MYO5A: variants seen among roughly 807,000 people sequenced by gnomAD.
MYO5A encodes the protein myosin VA.
Under a neutral mutation model 249.7 loss-of-function variants are expected in MYO5A, and 98 were observed. The ratio of observed to expected loss-of-function variants is 0.39; its 90% CI spans 0.33 to 0.46. MYO5A has a LOEUF of 0.46. Among genes scored for constraint, MYO5A ranks in the 20% least tolerant of loss-of-function variants. MYO5A has a pLI of 0.98. For synonymous variants in MYO5A, 778 were observed against 810.6 expected (o/e 0.96, Z 0.68); for missense variants, 1,696 against 2,308.8 (o/e 0.73, Z 5.44).
Position 52,321,390 on chromosome 15 carries a change from C to G in MYO5A, c.4920G>C (p.Arg1640=). The G allele has an allele frequency of 6.2e-7, 1 of 1,614,216 alleles. No individual in the cohort carries two copies. The highest frequency in any genetic ancestry group is 8.5e-7 in the Non-Finnish European group (1 of 1,180,044). The change falls in exon 38 of 42, where the codon CGG becomes CGC. Residue 1640 remains arginine, a synonymous_variant. Coordinates refer to ENST00000399233, the MANE Select transcript of MYO5A (RefSeq NM_001382347.1). ...TTGGCTGAAGGATGTTCTCTAACAC[C>G]CGCACGAGCTGCTGGTAGATCTGAA... ...LAIQIYQQLV[R]VLENILQPMI...
At position 52,314,108 on chromosome 15, in the gene MYO5A, G is replaced by C; in HGVS notation, c.5490+15C>G. 1 of 1,582,296 alleles carries C rather than the reference G, an allele frequency of 6.3e-7. No homozygotes were observed. Among genetic ancestry groups the C allele is most frequent in the Non-Finnish European group, 8.7e-7 (1 of 1,151,976 alleles). ...ACTGTGTTGGTGAATCAAAGAAGAA[G>C]ATGGGAGCTCTTACCTGTATAGTAC... On this transcript the variant is annotated intron_variant, in intron 41 of 41. Coordinates refer to ENST00000399233, the MANE Select transcript of MYO5A (RefSeq NM_001382347.1).
At chr15:52,490,692 A>G (rs7178682) in intron 1 of MYO5A, among the ~76,000 whole-genome samples, 144,771 of 152,238 alleles carry the variant, frequency 0.95, 68,902 homozygotes, top group African/African-American at 0.97. Flanking sequence ...GAAGAGTTTT[A>G]GAGATTGGTT....
chr15:52,489,330 C>T (rs1057383672), intron 1 of MYO5A, among the ~76,000 whole-genome samples: 6 of 152,032 alleles, frequency 3.9e-5, no homozygotes, highest in African/African-American at 9.7e-5. Flanking sequence ...TTTGGGAGGC[C>T]GGGGCGGGCG....
intron 1 of MYO5A, among the ~76,000 whole-genome samples, chr15:52,477,084 G>GC (rs2076611224): frequency 6.6e-6 from 1 of 152,118 alleles, no homozygotes. Flanking sequence ...TGGAGGCTTT[G>GC]TCATTTCTTT....
At chr15:52,371,032 G>C (rs2041081554) in intron 21 of MYO5A, among the ~76,000 whole-genome samples, 1 of 151,988 alleles carries the variant, frequency 6.6e-6, no homozygotes, top group Non-Finnish European at 1.5e-5. Flanking sequence ...AGGATCACTT[G>C]AGCCCAGGAG....
chr15:52,502,309 T>TACAC (rs576804329), intron 1 of MYO5A, among the ~76,000 whole-genome samples: 218 of 152,148 alleles, frequency 1.4e-3, no homozygotes, highest in African/African-American at 5.0e-3. Context: ...CATACATACA[T>TACAC]ACATAAATTT....
chr15:52,431,255 C>A, intron 2 of MYO5A, among the ~76,000 whole-genome samples: 1 of 17,548 alleles, frequency 5.7e-5, no homozygotes, highest in African/African-American at 1.5e-4. Context: ...AAGTCTAGTG[C>A]AGTAGCTGAT....
intron 28 of MYO5A, among the ~76,000 whole-genome samples, chr15:52,349,267 C>T (rs2039820825): frequency 6.6e-6 from 1 of 152,186 alleles, no homozygotes; most frequent in South Asian, 2.1e-4. Flanking sequence ...CCTGCCTGGG[C>T]TGGATCATTC....
chr15:52,398,953 C>T (rs1388760991), intron 9 of MYO5A, among the ~76,000 whole-genome samples: 1 of 150,776 alleles, frequency 6.6e-6, no homozygotes, highest in African/African-American at 2.4e-5. Flanking sequence ...AGTGCCACTG[C>T]ACTCCAGCCT....
intron 5 of MYO5A, among the ~76,000 whole-genome samples, chr15:52,410,916 C>T (rs536072617): frequency 6.6e-6 from 1 of 152,332 alleles, no homozygotes; most frequent in Admixed American, 6.5e-5. Context: ...TTTGCCACTG[C>T]AGGCACAGGT....
intron 1 of MYO5A, among the ~76,000 whole-genome samples, chr15:52,525,167 T>C (rs1233457523): frequency 2.0e-5 from 3 of 152,208 alleles, no homozygotes; most frequent in African/African-American, 7.2e-5. Flanking sequence ...GATATCATAG[T>C]TTCCTTTAAT....
At chr15:52,381,134 G>A (rs16964935) in intron 16 of MYO5A, among the ~76,000 whole-genome samples, 7,963 of 152,200 alleles carry the variant, frequency 0.052, 595 homozygotes, top group African/African-American at 0.17. Flanking sequence ...GACTCCCATA[G>A]TTAAGTTCTG....
intron 39 of MYO5A, among the ~76,000 whole-genome samples, chr15:52,318,646 A>T (rs2038147283): frequency 6.6e-6 from 1 of 152,128 alleles, no homozygotes; most frequent in African/African-American, 2.4e-5. Context: ...TTTTTCCAAA[A>T]ATATATTTCT....
chr15:52,363,270 A>C (rs1288806721), intron 24 of MYO5A, among the ~76,000 whole-genome samples: 2 of 152,242 alleles, frequency 1.3e-5, no homozygotes, highest in Non-Finnish European at 2.9e-5. Flanking sequence ...AATGTGAAGG[A>C]AGAAAGGTTT....
intron 34 of MYO5A, among the ~76,000 whole-genome samples, chr15:52,334,655 T>C (rs2039033713): frequency 6.6e-6 from 1 of 152,228 alleles, no homozygotes. Flanking sequence ...TTTCTGAAAC[T>C]TACTCATTCA....
At chr15:52,365,410 G>A (rs1438083217) in intron 23 of MYO5A, among the ~76,000 whole-genome samples, 1 of 152,218 alleles carries the variant, frequency 6.6e-6, no homozygotes, top group East Asian at 1.9e-4. Context: ...TCTGGAGATT[G>A]GAGATTAGCC....
chr15:52,425,452 C>T (rs1945204652), intron 4 of MYO5A, among the ~76,000 whole-genome samples: 1 of 152,150 alleles, frequency 6.6e-6, no homozygotes, highest in Admixed American at 6.5e-5. Flanking sequence ...CTCTGTCTCC[C>T]AGGTTCAAGC....
intron 34 of MYO5A, among the ~76,000 whole-genome samples, 197 bp from the exon 35 acceptor site, chr15:52,330,696 T>G (rs1472089728): frequency 6.6e-6 from 1 of 152,186 alleles, no homozygotes; most frequent in Non-Finnish European, 1.5e-5. Context: ...GTCATCTTAC[T>G]CTGAAAGCCA....
intron 1 of MYO5A, chr15:52,505,703 A>G (rs948516870): frequency 2.4e-5 from 31 of 1,295,874 alleles, no homozygotes; most frequent in Admixed American, 3.4e-5. Context: ...TTAGTCTGGG[A>G]CTCATCTAAA....
Sources: allele counts gnomAD v4.1 joint callset (sites outside exome capture counted in the v4.1 genomes callset), GRCh38; gene constraint gnomAD v4.1.1; transcripts MANE v1.5; gene names NCBI Gene and HGNC (gene_info 2026-07-23, HGNC 2026-07-21).